Variants in MSS51 observed in about 807,000 individuals in gnomAD.
MSS51 encodes the protein putative protein MSS51 homolog, mitochondrial.
Under a neutral mutation model 40.2 loss-of-function variants are expected in MSS51, and 32 were observed. That is an observed-to-expected ratio of 0.80 (90% CI 0.60 to 1.07). MSS51 has a LOEUF of 1.07. Ranked by LOEUF, MSS51 falls within the 50% of genes least tolerant of loss-of-function variation. The probability of loss-of-function intolerance (pLI) is 0.00; values close to 1 mark genes in which losing one functional copy is unlikely to be tolerated. For synonymous variants in MSS51, 178 were observed against 214.2 expected (o/e 0.83, Z 1.48); for missense variants, 518 against 568.9 (o/e 0.91, Z 0.91).
chr10:73,428,050 A>AG lies in MSS51; in HGVS notation c.221+13dup. On this transcript the variant is annotated intron_variant, in intron 2 of 6. Coordinates refer to ENST00000299432, the MANE Select transcript of MSS51 (RefSeq NM_001024593.2). ...GAGACAATATATCCCTTTTCCATAGAGCTGGTCACTCACTTATATTCTTCA... is the reference window on the plus strand; with the variant it reads ...GAGACAATATATCCCTTTTCCATAGAGGCTGGTCACTCACTTATATTCTTCA... 6.2e-7 allele frequency: 1 copy of AG among 1,611,250 alleles called. No homozygotes were observed. The highest frequency in any genetic ancestry group is 8.5e-7 in the Non-Finnish European group (1 of 1,177,676).
At chr10:73,432,964 T>C (rs759664836) in intron 1 of MSS51, among the ~76,000 whole-genome samples, 2 of 152,142 alleles carry the variant, frequency 1.3e-5, no homozygotes, top group African/African-American at 4.8e-5. Context: ...CTTTGAACTT[T>C]CCAGAGTCTA....
chr10:73,427,303 G>C (rs866792372), intron 3 of MSS51, among the ~76,000 whole-genome samples: 1 of 112,132 alleles, frequency 8.9e-6, no homozygotes, highest in African/African-American at 4.4e-5. Flanking sequence ...TTTTGAGACA[G>C]AGTCTCGCTC....
intron 3 of MSS51, 114 bp downstream of exon 3, chr10:73,427,499 T>C: frequency 1.7e-6 from 2 of 1,172,978 alleles, no homozygotes; most frequent in Non-Finnish European, 2.4e-6. Context: ...GTTGGCCTCA[T>C]GTGATCCACC....
chr10:73,425,860 T>C lies in MSS51; in HGVS notation c.1020A>G (p.Val340=), dbSNP rs61746881. The C allele has an allele frequency of 6.8e-4, 1,095 of 1,614,096 alleles. 4 individuals are homozygous for C. The African/African-American group carries it at 8.9e-3, about 13-fold the overall frequency. Reference sequence around the variant, plus strand: ...CTGGATGGTGTGTCTGCCCGGTCTCTACTTGCTCCTCCCAGAAGTCATGGT... The same window carrying C: ...CTGGATGGTGTGTCTGCCCGGTCTCCACTTGCTCCTCCCAGAAGTCATGGT... ...GLYHDFWEEQ[V]ETGQTHHPDL... Residue 340 remains valine, a synonymous_variant, in exon 5 of 7, where the codon GTA becomes GTG. Transcript: ENST00000299432.
intron 1 of MSS51, among the ~76,000 whole-genome samples, chr10:73,431,344 A>T (rs1184775524): frequency 6.6e-6 from 1 of 152,342 alleles, no homozygotes; most frequent in East Asian, 1.9e-4. Flanking sequence ...TTGAGAGGCT[A>T]AAAAGTTATT....
In MSS51 at chr10:73,424,309, G is replaced by A. The variant is rs532649745; in HGVS notation, c.*244C>T. 99 of 419,076 alleles carry A rather than the reference G, an allele frequency of 2.4e-4. 1 individual carries two copies. The highest frequency in any genetic ancestry group is 7.0e-4 in the Middle Eastern group (1 of 1,430). The allele number at this position is 419,076 out of a possible 1,614,324, so 26.0% of individuals were successfully genotyped here. ...GGAGAACCACTTGAACCCAGGAGGC[G>A]GAGGCTGCAGTGAGTCGAGATCATG... On this transcript the variant is annotated 3_prime_UTR_variant, in exon 7 of 7. Transcript: ENST00000299432.
chr10:73,425,965 T>G lies in MSS51; in HGVS notation c.915A>C (p.Val305=). 1 of 1,613,822 alleles carries G rather than the reference T, an allele frequency of 6.2e-7. No individual in the cohort carries two copies. Among genetic ancestry groups the G allele is most frequent in the Non-Finnish European group, 8.5e-7 (1 of 1,179,940 alleles). Reference sequence around the variant, plus strand: ...AGGTGCTCTGTGAAAAGCCAGTAGCTACATCTACACCCACCATGACCACAC... The same window carrying G: ...AGGTGCTCTGTGAAAAGCCAGTAGCGACATCTACACCCACCATGACCACAC... The part of the protein sequence containing the change: ...GLRVVMVGVD[V]ATGFSQSTST... The change falls in exon 5 of 7, where the codon GTA becomes GTC. Residue 305 remains valine, a synonymous_variant. Transcript: ENST00000299432.
At chr10:73,425,292 A>T in intron 5 of MSS51, 101 bp from the exon 6 acceptor site, 1 of 688,918 alleles carries the variant, frequency 1.5e-6, no homozygotes, top group Non-Finnish European at 2.5e-6. Context: ...CACCTTGCTT[A>T]TCCCCAGTCA....
rs747255121 is a variant in MSS51 at position 73,426,652 on chromosome 10, G to A, written c.457C>T (p.Arg153Cys). 2.5e-5 allele frequency: 41 copies of A among 1,614,036 alleles called. 1 individual carries two copies. In the Admixed American group the frequency reaches 4.0e-4, roughly 16 times the overall value. Reference sequence around the variant, plus strand: ...ATGAGACGGTCCACAGCCACAAGACGAAGCTCTTGACAAACCCTCCTGTGT... The same window carrying A: ...ATGAGACGGTCCACAGCCACAAGACAAAGCTCTTGACAAACCCTCCTGTGT... ...PAHRRVCQELRLVAVDRLMEW... is the reference protein window; with the variant it reads ...PAHRRVCQELCLVAVDRLMEW... The change falls in exon 4 of 7, where the codon CGT becomes TGT. Residue 153 changes from arginine to cysteine, a missense_variant. Physicochemically the swap from Arg to Cys is radical, Grantham distance 180. Coordinates refer to ENST00000299432, the MANE Select transcript of MSS51 (RefSeq NM_001024593.2).
In MSS51 at chr10:73,428,225, G is replaced by C; in HGVS notation, c.60C>G (p.Ile20Met). 1 of 1,614,132 alleles carries C rather than the reference G, an allele frequency of 6.2e-7. No homozygotes were observed. The highest frequency in any genetic ancestry group is 8.5e-7 in the Non-Finnish European group (1 of 1,180,014). Reference sequence around the variant, plus strand: ...TCACAATTGTGGTTGGGGCCATGATGATGGGAGCCACTGATGAGGGAGGTT... The same window carrying C: ...TCACAATTGTGGTTGGGGCCATGATCATGGGAGCCACTGATGAGGGAGGTT... ...HKKPPSSVAP[I>M]IMAPTTIVTP... The change falls in exon 2 of 7, where the codon ATC becomes ATG. Residue 20 changes from isoleucine (I) to methionine (M), a missense_variant. By Grantham distance (10) the Ile-to-Met change is conservative. Transcript: ENST00000299432.
chr10:73,429,732 A>AT, intron 1 of MSS51: 1 of 455,036 alleles, frequency 2.2e-6, no homozygotes, highest in South Asian at 1.6e-5. Context: ...TAAAATGTCC[A>AT]TTCATGTAAT....
chr10:73,429,076 G>A (rs1477617258), intron 1 of MSS51, among the ~76,000 whole-genome samples: 2 of 151,900 alleles, frequency 1.3e-5, no homozygotes, highest in African/African-American at 4.8e-5. Flanking sequence ...CGTGGTGGTG[G>A]GTGCCTATAA....
intron 1 of MSS51, among the ~76,000 whole-genome samples, chr10:73,433,274 T>TGC (rs1167973837): frequency 6.6e-6 from 1 of 152,056 alleles, no homozygotes; most frequent in East Asian, 1.9e-4. Context: ...CATCTAATTT[T>TGC]CTGTAAGTCA....
At position 73,426,201 on chromosome 10, in the gene MSS51, C is replaced by T; in HGVS notation, c.679G>A (p.Val227Ile). 6.2e-7 allele frequency: 1 copy of T among 1,614,228 alleles called. No individual in the cohort carries two copies. The highest frequency in any genetic ancestry group is 8.5e-7 in the Non-Finnish European group (1 of 1,180,046). The change falls in exon 5 of 7, where the codon GTC becomes ATC. Residue 227 changes from valine to isoleucine, a missense_variant. Transcript: ENST00000299432. ...AGCCGCTTCAAAGATCCCTGCAGGA[C>T]ATCCGGGTCTGGCCTTGGCCGTCCT... ...SVGRPRPDPD[V>I]LQGSLKRLLT...
In MSS51 at chr10:73,426,324, C is replaced by T. The variant is rs147699725; in HGVS notation, c.556G>A (p.Asp186Asn). The T allele has an allele frequency of 3.7e-3, 5,901 of 1,604,526 alleles. 25 individuals are homozygous for T. The highest frequency in any genetic ancestry group is 4.1e-3 in the Non-Finnish European group (4,878 of 1,179,954). ...PWPWPPEAVQ[D>N]WDSWFSMKGL... ...TTCATAGAAAACCAGGAGTCCCAGT[C>T]CTGTACAGCTTCAGGTGGCCATGGC... is the stretch of plus-strand genomic sequence containing the variant. The change falls in exon 5 of 7, where the codon GAC becomes AAC. Residue 186 changes from aspartate (D) to asparagine (N), a missense_variant. Coordinates refer to ENST00000299432, the MANE Select transcript of MSS51 (RefSeq NM_001024593.2).
rs527775960 is a variant in MSS51, at chr10:73,432,192, C to T, written c.-18+1321G>A. On this transcript the variant is annotated intron_variant, in intron 1 of 6. Transcript: ENST00000299432. ...TAGCTGGGATTACAGGCTCGCGCCA[C>T]CATGCCCAGCTAATTTTTGTATTTT... Among the ~76,000 whole-genome samples, 6 of 152,266 alleles carry T rather than the reference C, an allele frequency of 3.9e-5. No homozygotes were observed. The East Asian group carries it at 1.2e-3, about 29-fold the overall frequency.
intron 1 of MSS51, among the ~76,000 whole-genome samples, chr10:73,430,180 C>A (rs907035299): frequency 3.9e-5 from 6 of 152,110 alleles, no homozygotes; most frequent in African/African-American, 1.4e-4. Flanking sequence ...GGGAAAGGTT[C>A]ATGACATAGG....
In MSS51 at chr10:73,424,585, G is replaced by T. The variant is rs745963476; in HGVS notation, c.1351C>A (p.Gln451Lys). 3.7e-6 allele frequency: 6 copies of T among 1,613,906 alleles called. No homozygotes were observed. In the East Asian group the frequency reaches 8.9e-5, roughly 24 times the overall value. ...LGSSCQLDNR[Q>K]LEEKVDGGI ...CCGCCGTCCACTTTCTCTTCTAATT[G>T]CCTATTATCCAGCTGACAGGAGCTT... The change falls in exon 7 of 7, where the codon CAA becomes AAA. Residue 451 changes from glutamine (Q) to lysine (K), a missense_variant. Physicochemically the swap from Gln to Lys is moderately conservative, Grantham distance 53. Transcript: ENST00000299432.
chr10:73,428,352 A>C (rs1289262389), intron 1 of MSS51, 51 bp from the exon 2 acceptor site: 3 of 1,360,756 alleles, frequency 2.2e-6, no homozygotes, highest in Non-Finnish European at 3.0e-6. Context: ...CAAGCTGGAC[A>C]CTTGTGAAGT....
Sources: allele counts gnomAD v4.1 joint callset (sites outside exome capture counted in the v4.1 genomes callset), GRCh38; gene constraint gnomAD v4.1.1; transcripts MANE v1.5; gene names NCBI Gene and HGNC (gene_info 2026-07-23, HGNC 2026-07-21).